DOK6: variants seen among roughly 807,000 people sequenced by gnomAD.
DOK6 encodes the protein docking protein 6.
A neutral mutation model predicts 44.0 loss-of-function variants in DOK6; 22 were observed. The observed-to-expected ratio is 0.50, with a 90% CI of 0.36 to 0.71. The LOEUF is 0.71. DOK6 is among the 30% of genes least tolerant of loss of function. DOK6 has a pLI of 0.00. For synonymous variants in DOK6, 166 were observed against 145.5 expected (o/e 1.14, Z -1.01); for missense variants, 340 against 416.4 (o/e 0.82, Z 1.60).
chr18:69,700,458 G>T (rs1012067331), intron 5 of DOK6, among the ~76,000 whole-genome samples: 11 of 151,872 alleles, frequency 7.2e-5, no homozygotes, highest in Non-Finnish European at 4.4e-5. Flanking sequence ...ATGAAGAATG[G>T]TTATTCAGAA....
chr18:69,538,468 G>A (rs1982179864), intron 1 of DOK6, among the ~76,000 whole-genome samples: 1 of 151,818 alleles, frequency 6.6e-6, no homozygotes, highest in Non-Finnish European at 1.5e-5. Flanking sequence ...CTGCAGCCTT[G>A]ACCTCCTGGG....
chr18:69,422,495 A>G (rs943317487), intron 1 of DOK6, among the ~76,000 whole-genome samples: 1 of 152,220 alleles, frequency 6.6e-6, no homozygotes, highest in African/African-American at 2.4e-5. Flanking sequence ...TATATTAAGT[A>G]GATATTTCTG....
chr18:69,708,214 ACT>A lies in DOK6; in HGVS notation c.599+9624_599+9625del, dbSNP rs371199028. Among the ~76,000 whole-genome samples, 565 of 152,218 alleles carry A rather than the reference ACT, an allele frequency of 3.7e-3. 6 individuals are homozygous for A. Among genetic ancestry groups the A allele is most frequent in the African/African-American group, 0.013 (544 of 41,516 alleles). On this transcript the variant is annotated intron_variant, in intron 5 of 7. Coordinates refer to ENST00000382713, the MANE Select transcript of DOK6 (RefSeq NM_152721.6). ...AAATTTTAGATATGTCTATCTGGTG[ACT>A]CTGTGGAGGATATTTTAATAATAAT... is the stretch of plus-strand genomic sequence containing the variant.
intron 3 of DOK6, among the ~76,000 whole-genome samples, chr18:69,677,362 A>ATG (rs1299129526): frequency 1.3e-3 from 125 of 95,328 alleles, no homozygotes; most frequent in Non-Finnish European, 2.4e-3. Flanking sequence ...TATATTATAT[A>ATG]TGTGTGTGTA....
rs533057702 is a variant in DOK6, at chr18:69,706,744, T to C, written c.599+8151T>C. Among the ~76,000 whole-genome samples, 3 of 144,180 alleles carry C rather than the reference T, an allele frequency of 2.1e-5. No homozygotes were observed. The East Asian group carries it at 6.5e-4, about 31-fold the overall frequency. 94.6% of individuals were successfully genotyped at this position (144,180 alleles called of 152,430 possible). A position where few individuals can be genotyped will look rare whatever the true frequency, so the allele number is the denominator to read the frequency against. ...TTCCCCTTCCTGTGTCCATGTGTTC[T>C]CATTGTTCAATTCCCACCTATGAGT... On this transcript the variant is annotated intron_variant, in intron 5 of 7. Coordinates refer to ENST00000382713, the MANE Select transcript of DOK6 (RefSeq NM_152721.6).
chr18:69,526,405 T>C (rs1297390990), intron 1 of DOK6, among the ~76,000 whole-genome samples: 1 of 152,206 alleles, frequency 6.6e-6, no homozygotes, highest in African/African-American at 2.4e-5. Context: ...ATCAGTATTG[T>C]GGCATGTATC....
At chr18:69,744,564 TAATC>T (rs1978917028) in intron 6 of DOK6, among the ~76,000 whole-genome samples, 1 of 152,124 alleles carries the variant, frequency 6.6e-6, no homozygotes, top group African/African-American at 2.4e-5. Flanking sequence ...TGATCCCAAT[TAATC>T]AATTCACTTA....
intron 4 of DOK6, 66 bp from the exon 5 acceptor site, chr18:69,698,338 A>G: frequency 7.1e-7 from 1 of 1,411,756 alleles, no homozygotes; most frequent in Non-Finnish European, 9.6e-7. Context: ...ACAAATTAAT[A>G]TCGTATGGCC....
chr18:69,552,140 GTTTCTACACTTTA>G (rs1982581644), intron 1 of DOK6, among the ~76,000 whole-genome samples: 1 of 152,118 alleles, frequency 6.6e-6, no homozygotes, highest in Non-Finnish European at 1.5e-5. Context: ...AAAGGACACT[GTTTCTACACTTTA>G]GAAGCTCATT....
rs548432294 is a variant in DOK6, at chr18:69,621,163, A to C, written c.289+21665A>C. On this transcript the variant is annotated intron_variant, in intron 3 of 7. Transcript: ENST00000382713. ...TCCTTTGTATAGTGAACTGGACAAG[A>C]TCATACACCTAGCACCAACTGCCTA... 2.0e-5 allele frequency among the ~76,000 whole-genome samples: 3 copies of C among 152,264 alleles called. No homozygotes were observed. In the East Asian group the frequency reaches 5.8e-4, roughly 29 times the overall value.
intron 6 of DOK6, among the ~76,000 whole-genome samples, chr18:69,757,159 A>G (rs1979381380): frequency 6.6e-6 from 1 of 152,018 alleles, no homozygotes; most frequent in Non-Finnish European, 1.5e-5. Context: ...AGTGTTTCTC[A>G]GAGAATACCT....
At chr18:69,655,160 A>G (rs1985328636) in intron 3 of DOK6, among the ~76,000 whole-genome samples, 1 of 152,208 alleles carries the variant, frequency 6.6e-6, no homozygotes, top group African/African-American at 2.4e-5. Flanking sequence ...CCACATAAAT[A>G]AATCACAAAG....
intron 7 of DOK6, among the ~76,000 whole-genome samples, chr18:69,839,643 C>T (rs1421538652): frequency 6.6e-6 from 1 of 152,228 alleles, no homozygotes; most frequent in African/African-American, 2.4e-5. Context: ...AAAATGCAGA[C>T]ATGCGCAACA....
intron 7 of DOK6, among the ~76,000 whole-genome samples, chr18:69,798,322 C>T (rs913371404): frequency 6.6e-6 from 1 of 152,032 alleles, no homozygotes; most frequent in Admixed American, 6.6e-5. Flanking sequence ...TGAAGGGCTT[C>T]TGGGTAGGAG....
At chr18:69,541,981 T>A (rs534042103) in intron 1 of DOK6, among the ~76,000 whole-genome samples, 10 of 151,336 alleles carry the variant, frequency 6.6e-5, no homozygotes, top group Non-Finnish European at 1.5e-4. Flanking sequence ...TGACAAGTAG[T>A]TGTGAGTCCC....
chr18:69,676,012 G>A (rs749126016), intron 3 of DOK6, among the ~76,000 whole-genome samples: 1 of 152,110 alleles, frequency 6.6e-6, no homozygotes, highest in African/African-American at 2.4e-5. Context: ...TGGTTGGAAA[G>A]GATTATTTTC....
chr18:69,832,872 TACA>T (rs368364420), intron 7 of DOK6: 6 of 152,038 alleles, frequency 3.9e-5, no homozygotes, highest in African/African-American at 1.4e-4. Context: ...TGAACATCTT[TACA>T]ACAAGGGACA....
intron 2 of DOK6, among the ~76,000 whole-genome samples, chr18:69,595,951 T>C (rs1983731093): frequency 6.6e-6 from 1 of 152,194 alleles, no homozygotes; most frequent in Non-Finnish European, 1.5e-5. Flanking sequence ...AAAACAGAGT[T>C]CTCAGTCTCT....
intron 1 of DOK6, among the ~76,000 whole-genome samples, chr18:69,441,593 C>T (rs1442312724): frequency 6.6e-6 from 1 of 152,182 alleles, no homozygotes; most frequent in Non-Finnish European, 1.5e-5. Flanking sequence ...AAATAACTTA[C>T]ATTTACAAGG....
Sources: gnomAD v4.1 joint callset for allele counts (sites outside exome capture counted in the v4.1 genomes callset) on GRCh38, gnomAD v4.1.1 for gene constraint, MANE v1.5 for transcripts, NCBI Gene and HGNC (gene_info 2026-07-23, HGNC 2026-07-21) for gene names.